Variants in PLEKHA7 observed in about 807,000 individuals in gnomAD.
The protein encoded by PLEKHA7 is pleckstrin homology domain-containing family A member 7.
In PLEKHA7, 104 loss-of-function variants were observed where a neutral mutation model predicts 170.0. The ratio of observed to expected loss-of-function variants is 0.61; its 90% CI spans 0.52 to 0.72. PLEKHA7 has a LOEUF of 0.72. Among genes scored for constraint, PLEKHA7 ranks in the 30% least tolerant of loss-of-function variants. The probability of loss-of-function intolerance (pLI) is 0.00; values close to 1 mark genes in which losing one functional copy is unlikely to be tolerated. For missense variants in PLEKHA7, 1,615 were observed against 1,671.7 expected, an observed-to-expected ratio of 0.97 and a Z score of 0.59; for synonymous variants, 648 against 660.8, an observed-to-expected ratio of 0.98 and a Z score of 0.30.
chr11:16,897,266 A>C (rs188675266), intron 3 of PLEKHA7, among the ~76,000 whole-genome samples: 1 of 152,286 alleles, frequency 6.6e-6, no homozygotes, highest in East Asian at 1.9e-4. Flanking sequence ...CACTCTACAC[A>C]AAAGGCTACA....
In PLEKHA7 at chr11:16,906,273, A is replaced by AGGAAGGAAGGAAGGAAGGAG. The variant is rs1443469524; in HGVS notation, c.222-35092_222-35091insCTCCTTCCTTCCTTCCTTCC. On this transcript the variant is annotated intron_variant, in intron 3 of 26. Transcript: ENST00000531066. ...AAGGAAGGAAGGAAGGAAGGAAGGAAGGAAGGAAAGAAAGAAAATTGGAAA... is the reference window on the plus strand; with the variant it reads ...AAGGAAGGAAGGAAGGAAGGAAGGAAGGAAGGAAGGAAGGAAGGAGGGAAGGAAAGAAAGAAAATTGGAAA... Among the ~76,000 whole-genome samples, 79 of 116,150 alleles carry AGGAAGGAAGGAAGGAAGGAG rather than the reference A, an allele frequency of 6.8e-4. 1 individual carries two copies. Among genetic ancestry groups the AGGAAGGAAGGAAGGAAGGAG allele is most frequent in the African/African-American group, 2.1e-3 (62 of 29,710 alleles). 76.2% of individuals were successfully genotyped at this position (116,150 alleles called of 152,430 possible).
chr11:16,826,188 G>A lies in PLEKHA7; in HGVS notation c.1275C>T (p.His425=). 2 of 1,614,214 alleles carry A rather than the reference G, an allele frequency of 1.2e-6. No individual in the cohort carries two copies. Among genetic ancestry groups the A allele is most frequent in the Non-Finnish European group, 1.7e-6 (2 of 1,180,046 alleles). ...GGGCCAGATTGCTCTTCCTTTGGCTGTGTTTTTCAGGGTTGGTCCTGGGAG... is the reference window on the plus strand; with the variant it reads ...GGGCCAGATTGCTCTTCCTTTGGCTATGTTTTTCAGGGTTGGTCCTGGGAG... ...AFPPRTNPEK[H]SQRKSNLAQV... Residue 425 remains histidine (H), a synonymous_variant, in exon 10 of 27, where the codon CAC becomes CAT. Coordinates refer to ENST00000531066, the MANE Select transcript of PLEKHA7 (RefSeq NM_001329630.2).
At chr11:16,797,619 AGGTCTGGCAAGCT>A (rs1251140483) in intron 17 of PLEKHA7, among the ~76,000 whole-genome samples, 1 of 152,144 alleles carries the variant, frequency 6.6e-6, no homozygotes, top group African/African-American at 2.4e-5. Context: ...GCACATCCTC[AGGTCTGGCAAGCT>A]AATAATGGGT....
intron 3 of PLEKHA7, among the ~76,000 whole-genome samples, chr11:16,959,871 T>C (rs1284885989): frequency 6.6e-6 from 1 of 151,924 alleles, no homozygotes; most frequent in African/African-American, 2.4e-5. Context: ...TGTACCTACT[T>C]CCCCCCAGGT....
intron 3 of PLEKHA7, among the ~76,000 whole-genome samples, chr11:16,944,577 C>CCATATTTGA (rs1483302861): frequency 1.3e-5 from 2 of 151,734 alleles, no homozygotes; most frequent in Non-Finnish European, 1.5e-5. Flanking sequence ...GTGCAAAAAC[C>CCATATTTGA]CATATTTGAC....
chr11:16,854,924 C>G lies in PLEKHA7; in HGVS notation c.487G>C (p.Val163Leu). Residue 163 changes from valine to leucine, a missense_variant, in exon 6 of 27, where the codon GTT becomes CTT. Coordinates refer to ENST00000531066, the MANE Select transcript of PLEKHA7 (RefSeq NM_001329630.2). Reference protein sequence around the residue: ...RDQAIRRNPNVPVVVRGWLHK... With the variant: ...RDQAIRRNPNLPVVVRGWLHK... ...AGCCAGCCCCTCACCACCACGGGAA[C>G]ATTGGGGTTCCTCCGAATGGCCTGG... 8.1e-6 allele frequency: 13 copies of G among 1,614,080 alleles called. No homozygotes were observed. The highest frequency in any genetic ancestry group is 1.1e-5 in the Non-Finnish European group (13 of 1,179,972).
At chr11:16,994,516 G>T (rs190051662) in intron 3 of PLEKHA7, among the ~76,000 whole-genome samples, 24 of 152,226 alleles carry the variant, frequency 1.6e-4, no homozygotes, top group Non-Finnish European at 3.2e-4. Context: ...GGACATAGGT[G>T]GGGGCTGGAG....
chr11:16,871,323 C>G, intron 3 of PLEKHA7, 141 bp from the exon 4 acceptor site: 2 of 627,950 alleles, frequency 3.2e-6, no homozygotes, highest in Non-Finnish European at 5.6e-6. Flanking sequence ...CTCTGAGACA[C>G]ACTTAGTCTG....
At chr11:16,786,492 C>A in intron 23 of PLEKHA7, 105 bp from the exon 24 acceptor site, 1 of 1,499,694 alleles carries the variant, frequency 6.7e-7, no homozygotes. Context: ...ACCTGTGATC[C>A]CCTTAGGGAA....
chr11:16,790,137 G>C (rs1299983377), intron 21 of PLEKHA7: 1 of 488,126 alleles, frequency 2.0e-6, no homozygotes, highest in Non-Finnish European at 3.7e-6. Flanking sequence ...CTTACATGCA[G>C]ATGACTGGGC....
intron 3 of PLEKHA7, among the ~76,000 whole-genome samples, chr11:16,924,652 G>A (rs1001657270): frequency 6.6e-6 from 1 of 152,106 alleles, no homozygotes; most frequent in African/African-American, 2.4e-5. Context: ...GGAACCCTTC[G>A]GGGGCAGTGC....
chr11:16,825,028 A>T, intron 10 of PLEKHA7, among the ~76,000 whole-genome samples: 1 of 152,236 alleles, frequency 6.6e-6, no homozygotes, highest in Non-Finnish European at 1.5e-5. Flanking sequence ...AAGGTGTCTT[A>T]GCTACAGCAC....
intron 3 of PLEKHA7, among the ~76,000 whole-genome samples, chr11:16,957,027 C>A (rs564299987): frequency 1.1e-4 from 17 of 152,260 alleles, no homozygotes; most frequent in Non-Finnish European, 2.2e-4. Context: ...TAGTCACCTG[C>A]TAAGGAATTG....
chr11:16,885,303 C>T (rs2135845675), intron 3 of PLEKHA7, among the ~76,000 whole-genome samples: 1 of 150,550 alleles, frequency 6.6e-6, no homozygotes, highest in East Asian at 2.0e-4. Flanking sequence ...GCACTCCAGC[C>T]TGGGCGACAG....
At chr11:16,912,499 T>C (rs1343099128) in intron 3 of PLEKHA7, among the ~76,000 whole-genome samples, 1 of 152,230 alleles carries the variant, frequency 6.6e-6, no homozygotes, top group East Asian at 1.9e-4. Context: ...AGAACTAGCT[T>C]CTTTACTGAG....
chr11:16,948,640 TGAA>T (rs1330764670), intron 3 of PLEKHA7, among the ~76,000 whole-genome samples: 1 of 102,432 alleles, frequency 9.8e-6, no homozygotes, highest in Non-Finnish European at 2.1e-5. Flanking sequence ...ACACACAGAG[TGAA>T]GGAGGAACAC....
chr11:16,859,473 T>C lies in PLEKHA7; in HGVS notation c.306-3559A>G, dbSNP rs557035477. On this transcript the variant is annotated intron_variant, in intron 4 of 26. Coordinates refer to ENST00000531066, the MANE Select transcript of PLEKHA7 (RefSeq NM_001329630.2). ...CACTTGGCTGAAAACCTGGCTCTGATGGAAACTTCTAGTGGTGATTTACCA... is the reference window on the plus strand; with the variant it reads ...CACTTGGCTGAAAACCTGGCTCTGACGGAAACTTCTAGTGGTGATTTACCA... 5.3e-5 allele frequency among the ~76,000 whole-genome samples: 8 copies of C among 152,336 alleles called. 1 individual carries two copies. Among genetic ancestry groups the C allele is most frequent in the Admixed American group, 5.2e-4 (8 of 15,302 alleles).
At position 16,794,626 on chromosome 11, in the gene PLEKHA7, G is replaced by A. The variant is rs747305299; in HGVS notation, c.2607C>T (p.Pro869=). The change falls in exon 19 of 27, where the codon CCC becomes CCT. Residue 869 remains proline, a synonymous_variant. Transcript: ENST00000531066. ...ESKPPPQPSP[P]TSPVRTPLEV... is the part of the protein sequence containing the mutation. ...CCAGAGGGGTCCGCACAGGGCTGGT[G>A]GGAGGACTGGGCTGTGGGGGCGGCT... 2.4e-5 allele frequency: 39 copies of A among 1,613,896 alleles called. No individual in the cohort carries two copies. In the Admixed American group the frequency reaches 5.5e-4, roughly 23 times the overall value.
chr11:16,833,809 A>G (rs1851304483), intron 9 of PLEKHA7, among the ~76,000 whole-genome samples: 1 of 152,148 alleles, frequency 6.6e-6, no homozygotes, highest in Non-Finnish European at 1.5e-5. Flanking sequence ...ACTAAATGCA[A>G]AACTCTGAGC....
Sources: gnomAD v4.1 joint callset for allele counts (sites outside exome capture counted in the v4.1 genomes callset) on GRCh38, gnomAD v4.1.1 for gene constraint, MANE v1.5 for transcripts, NCBI Gene and HGNC (gene_info 2026-07-23, HGNC 2026-07-21) for gene names.